Variants in FER observed in about 807,000 individuals in gnomAD.
FER encodes the protein FER tyrosine kinase, also known as tyrosine-protein kinase Fer.
A neutral mutation model predicts 111.0 loss-of-function variants in FER; 63 were observed. The observed-to-expected ratio is 0.57, with a 90% confidence interval of 0.46 to 0.70. The LOEUF (loss-of-function observed/expected upper bound fraction) is 0.70, where lower values mean the gene tolerates loss of function less well. Ranked by LOEUF, FER falls within the 30% of genes least tolerant of loss-of-function variation. FER has a pLI of 0.00. For synonymous variants in FER, 327 were observed against 313.9 expected (o/e 1.04, Z -0.44); for missense variants, 914 against 954.0 (o/e 0.96, Z 0.55).
At chr5:108,860,151 C>G (rs534183918) in intron 5 of FER, among the ~76,000 whole-genome samples, 5 of 152,014 alleles carry the variant, frequency 3.3e-5, no homozygotes, top group African/African-American at 1.2e-4. Context: ...CCATATTGGC[C>G]AGGCTGGTCT....
chr5:108,836,153 T>A (rs72791987), intron 5 of FER, among the ~76,000 whole-genome samples: 1,666 of 152,138 alleles, frequency 0.011, 13 homozygotes, highest in Middle Eastern at 0.023. Context: ...TTAGAAACTT[T>A]TAAAATCTTC....
intron 5 of FER, among the ~76,000 whole-genome samples, chr5:108,855,190 A>G (rs1409022604): frequency 6.6e-6 from 1 of 152,162 alleles, no homozygotes; most frequent in African/African-American, 2.4e-5. Context: ...GGTCTGGAGT[A>G]GAACTATAAA....
Position 109,100,435 on chromosome 5 carries a change from A to G in FER, c.1964A>G (p.Glu655Gly). 1 of 1,611,430 alleles carries G rather than the reference A, an allele frequency of 6.2e-7. No homozygotes were observed. The highest frequency in any genetic ancestry group is 8.5e-7 in the Non-Finnish European group (1 of 1,178,098). The change falls in exon 17 of 20, where the codon GAA (glutamate) becomes GGA (glycine). Residue 655 changes from glutamate to glycine, a missense_variant. Physicochemically the swap from Glu to Gly is moderately conservative, Grantham distance 98. This residue lies in a region of FER where 774 missense variants were observed against 782.6 expected (regional missense o/e 0.99). Transcript: ENST00000281092. ...ACCTTTCTGAGAAGGAAGAAGGATG[A>G]ACTAAAACTCAAACAGTTAGTGAAA... ...FLTFLRRKKD[E>G]LKLKQLVKFS...
intron 2 of FER, among the ~76,000 whole-genome samples, chr5:108,774,573 T>C (rs1291652283): frequency 6.6e-6 from 1 of 152,230 alleles, no homozygotes; most frequent in Non-Finnish European, 1.5e-5. Context: ...CTATTTTTTC[T>C]TGACTTTTTA....
chr5:109,108,131 C>T (rs949230842), intron 17 of FER, among the ~76,000 whole-genome samples: 2 of 152,096 alleles, frequency 1.3e-5, no homozygotes, highest in African/African-American at 4.8e-5. Context: ...GGAGAGCTCA[C>T]TGTTTGCCAA....
At chr5:109,055,980 T>G (rs1383034521) in intron 16 of FER, among the ~76,000 whole-genome samples, 1 of 152,034 alleles carries the variant, frequency 6.6e-6, no homozygotes, top group Admixed American at 6.6e-5. Context: ...CGATAGGTGC[T>G]CAACATTATT....
At chr5:109,187,359 G>T in intron 19 of FER, 74 bp from the exon 20 acceptor site, 1 of 1,479,952 alleles carries the variant, frequency 6.8e-7, no homozygotes. Context: ...GTTAATAACT[G>T]CATAATGCCC....
intron 10 of FER, among the ~76,000 whole-genome samples, chr5:108,925,253 A>G (rs570031206): frequency 6.6e-5 from 10 of 151,830 alleles, no homozygotes; most frequent in Admixed American, 6.5e-4. Flanking sequence ...TAGCCTTGTT[A>G]TTTTCAATGT....
chr5:108,899,087 C>CAAA (rs762675202), intron 10 of FER, among the ~76,000 whole-genome samples: 1 of 49,374 alleles, frequency 2.0e-5, no homozygotes. Flanking sequence ...GTCTCCATAG[C>CAAA]AAAAAAAAAA....
At chr5:108,750,219 T>C (rs1750314017) in intron 1 of FER, among the ~76,000 whole-genome samples, 1 of 152,106 alleles carries the variant, frequency 6.6e-6, no homozygotes, top group Non-Finnish European at 1.5e-5. Context: ...ATTTTAGTGA[T>C]TAAAGATTAG....
At chr5:109,171,809 C>G (rs1209453023) in intron 17 of FER, among the ~76,000 whole-genome samples, 1 of 152,200 alleles carries the variant, frequency 6.6e-6, no homozygotes. Context: ...TAGCCTCAGA[C>G]AGCTAGTGGC....
At chr5:108,848,391 G>A (rs186002769) in intron 5 of FER, among the ~76,000 whole-genome samples, 1 of 152,098 alleles carries the variant, frequency 6.6e-6, no homozygotes, top group East Asian at 1.9e-4. Flanking sequence ...CACGTATTCT[G>A]TATTTCACTT....
intron 13 of FER, among the ~76,000 whole-genome samples, chr5:108,983,493 T>A (rs1029753626): frequency 6.6e-6 from 1 of 152,142 alleles, no homozygotes; most frequent in Non-Finnish European, 1.5e-5. Context: ...TTCTTCTAGG[T>A]ATGAAATATA....
intron 17 of FER, among the ~76,000 whole-genome samples, chr5:109,108,403 T>C (rs1383541224): frequency 6.6e-6 from 1 of 152,208 alleles, no homozygotes; most frequent in East Asian, 1.9e-4. Context: ...ATCCCTCTTA[T>C]GAAGCAAACT....
In FER at chr5:108,832,860, C is replaced by T; in HGVS notation, c.298C>T (p.Leu100Phe). Residue 100 changes from leucine (L) to phenylalanine (F), a missense_variant, in exon 4 of 20, where the codon CTC becomes TTC. Transcript: ENST00000281092. ...CTTGAACTCTGGACCTTTACACAGG[C>T]TCACCATGATGATTAAGGACAAGCA... ...EDLNSGPLHR[L>F]TMMIKDKQQV... The T allele has an allele frequency of 6.2e-7, 1 of 1,608,550 alleles. No homozygotes were observed. Among genetic ancestry groups the T allele is most frequent in the Non-Finnish European group, 8.5e-7 (1 of 1,177,016 alleles).
intron 18 of FER, among the ~76,000 whole-genome samples, chr5:109,184,386 T>G (rs778041956): frequency 6.6e-6 from 1 of 152,106 alleles, no homozygotes; most frequent in African/African-American, 2.4e-5. Flanking sequence ...AAGTGAGACA[T>G]AGAAAAGTAG....
At chr5:109,075,487 A>C (rs1776225013) in intron 16 of FER, among the ~76,000 whole-genome samples, 1 of 146,262 alleles carries the variant, frequency 6.8e-6, no homozygotes, top group Admixed American at 7.0e-5. Context: ...TGGAGGGCGC[A>C]ATCTCGACTC....
At chr5:109,058,697 CTTCTTT>C (rs1428194769) in intron 16 of FER, among the ~76,000 whole-genome samples, 3 of 102,056 alleles carry the variant, frequency 2.9e-5, no homozygotes, top group African/African-American at 7.7e-5. Context: ...TTTGTGCTAT[CTTCTTT>C]TTCTTTTTCT....
chr5:108,841,030 G>A (rs1375398796), intron 5 of FER, among the ~76,000 whole-genome samples: 2 of 152,188 alleles, frequency 1.3e-5, no homozygotes, highest in Admixed American at 1.3e-4. Context: ...AGAAAGGAGG[G>A]TTGAGGGAAG....
Sources: gnomAD v4.1 joint callset for allele counts (sites outside exome capture counted in the v4.1 genomes callset) on GRCh38, gnomAD v4.1.1 for gene constraint, gnomAD v4.1.1 regional missense constraint, MANE v1.5 for transcripts, NCBI Gene and HGNC (gene_info 2026-07-23, HGNC 2026-07-21) for gene names.